BOLL: variants seen among roughly 807,000 people sequenced by gnomAD.
The protein encoded by BOLL is protein boule-like.
A neutral mutation model predicts 44.4 loss-of-function variants in BOLL; 23 were observed. That is an observed-to-expected ratio of 0.52 (90% confidence interval 0.37 to 0.73). BOLL has a LOEUF of 0.73. Among genes scored for constraint, BOLL ranks in the 30% least tolerant of loss-of-function variants. The pLI is 0.00. For synonymous variants in BOLL, 97 were observed against 110.8 expected, an observed-to-expected ratio of 0.88 and a Z score of 0.78; for missense variants, 287 against 338.3, an observed-to-expected ratio of 0.85 and a Z score of 1.19.
intron 6 of BOLL, 99 bp from the exon 7 acceptor site, chr2:197,766,702 G>T: frequency 1.2e-6 from 1 of 809,442 alleles, no homozygotes; most frequent in Non-Finnish European, 2.0e-6. Context: ...TAAACTTCTG[G>T]TTTATGATTA....
rs541680782 is a variant in BOLL at position 197,728,807 on chromosome 2, T to C, written c.829-229A>G. ...AGAATCTATATTAGACAATCTCTAG[T>C]CTAGTGTTACAGTATAAATGTTGAG... On this transcript the variant is annotated intron_variant, in intron 10 of 10. Coordinates refer to ENST00000392296, the MANE Select transcript of BOLL (RefSeq NM_033030.6). 3.9e-5 allele frequency among the ~76,000 whole-genome samples: 6 copies of C among 152,314 alleles called. No homozygotes were observed. In the South Asian group the frequency reaches 1.2e-3, roughly 32 times the overall value.
chr2:197,729,143 C>T lies in BOLL; in HGVS notation c.829-565G>A, dbSNP rs1284958487. ...GCACCGTGCGCAAGCTGAAGCAGGG[C>T]GAGGCATTGCCTCACTTGGGAAGCG... On this transcript the variant is annotated intron_variant, in intron 10 of 10. Transcript: ENST00000392296. Among the ~76,000 whole-genome samples the T allele has an allele frequency of 3.3e-5, 5 of 152,266 alleles. No individual in the cohort carries two copies. In the South Asian group the frequency reaches 8.3e-4, roughly 25 times the overall value.
Position 197,740,914 on chromosome 2 carries a change from T to G in BOLL, c.828+2147A>C, listed in dbSNP as rs373724823. Among the ~76,000 whole-genome samples the G allele has an allele frequency of 1.9e-4, 29 of 152,298 alleles. 1 individual carries two copies. The highest frequency in any genetic ancestry group is 6.5e-4 in the African/African-American group (27 of 41,570). On this transcript the variant is annotated intron_variant, in intron 10 of 10. Transcript: ENST00000392296. The stretch of plus-strand genomic sequence containing the variant: ...TTTTTAAGTTTGAAGTCAGGTAGCG[T>G]GATACCTCCGGCTTTGTTCTTTTGG...
intron 10 of BOLL, among the ~76,000 whole-genome samples, chr2:197,736,712 T>G (rs1312256928): frequency 2.0e-5 from 3 of 152,136 alleles, no homozygotes; most frequent in African/African-American, 7.2e-5. Flanking sequence ...TGCTTCTCAT[T>G]AATTTTGCTT....
chr2:197,758,775 A>G (rs1290294051), intron 7 of BOLL, among the ~76,000 whole-genome samples: 1 of 152,170 alleles, frequency 6.6e-6, no homozygotes, highest in East Asian at 1.9e-4. Context: ...AATAAACCAC[A>G]ATATATTATT....
intron 7 of BOLL, among the ~76,000 whole-genome samples, chr2:197,760,727 A>G (rs1688718222): frequency 6.6e-6 from 1 of 151,936 alleles, no homozygotes; most frequent in Non-Finnish European, 1.5e-5. Context: ...AACAGAGACT[A>G]CCCTAGCAGA....
intron 1 of BOLL, chr2:197,784,797 T>C: frequency 1.0e-6 from 1 of 987,536 alleles, no homozygotes; most frequent in Non-Finnish European, 1.2e-6. Flanking sequence ...TTATAAACAA[T>C]TAGCGATGCA....
chr2:197,761,002 T>C (rs1027953096), intron 7 of BOLL, among the ~76,000 whole-genome samples: 4 of 152,136 alleles, frequency 2.6e-5, no homozygotes, highest in African/African-American at 7.2e-5. Context: ...AGTAAAGCTA[T>C]CCTTCAGAAA....
chr2:197,768,514 A>T (rs1297009585), intron 6 of BOLL, among the ~76,000 whole-genome samples: 5 of 151,812 alleles, frequency 3.3e-5, no homozygotes, highest in Non-Finnish European at 7.4e-5. Context: ...CAAATACACC[A>T]ATGGAACAAA....
At chr2:197,767,741 A>G (rs1315331591) in intron 6 of BOLL, among the ~76,000 whole-genome samples, 1 of 151,998 alleles carries the variant, frequency 6.6e-6, no homozygotes, top group Non-Finnish European at 1.5e-5. Flanking sequence ...CAGCAAAGAA[A>G]TAATCTGGCT....
At chr2:197,772,343 T>G (rs1282912878) in intron 5 of BOLL, among the ~76,000 whole-genome samples, 1 of 152,024 alleles carries the variant, frequency 6.6e-6, no homozygotes, top group Admixed American at 6.6e-5. Context: ...TATGTATAAT[T>G]TAAAGTTACT....
chr2:197,753,826 C>G (rs1688377863), intron 9 of BOLL, among the ~76,000 whole-genome samples: 2 of 152,146 alleles, frequency 1.3e-5, no homozygotes, highest in African/African-American at 2.4e-5. Context: ...TCTATAAAGA[C>G]ACATGCACAT....
intron 9 of BOLL, among the ~76,000 whole-genome samples, chr2:197,755,399 T>C (rs1178103377): frequency 6.6e-6 from 1 of 152,236 alleles, no homozygotes; most frequent in Admixed American, 6.5e-5. Context: ...ACTGGGTATA[T>C]ACCCAAAGAA....
At chr2:197,777,387 C>G (rs1190965254) in intron 3 of BOLL, among the ~76,000 whole-genome samples, 2 of 151,794 alleles carry the variant, frequency 1.3e-5, no homozygotes, top group Non-Finnish European at 2.9e-5. Flanking sequence ...GAGATTCATG[C>G]TGTTGCTTAA....
At chr2:197,783,734 A>T (rs889099079) in intron 1 of BOLL, among the ~76,000 whole-genome samples, 3 of 152,228 alleles carry the variant, frequency 2.0e-5, no homozygotes, top group Non-Finnish European at 4.4e-5. Context: ...GTAGGATATA[A>T]TGCTCAGAAT....
At chr2:197,728,845 GGGAT>G (rs1161656600) in intron 10 of BOLL, among the ~76,000 whole-genome samples, 2 of 152,216 alleles carry the variant, frequency 1.3e-5, no homozygotes, top group Non-Finnish European at 2.9e-5. Context: ...AATAAAATGA[GGGAT>G]GGGTCAGCAC....
intron 7 of BOLL, among the ~76,000 whole-genome samples, chr2:197,757,842 G>A (rs907840941): frequency 2.2e-4 from 33 of 152,190 alleles, no homozygotes; most frequent in African/African-American, 7.5e-4. Context: ...TTAAAAATTG[G>A]TAAATGATAT....
upstream of BOLL, chr2:197,785,403 T>C: frequency 2.0e-6 from 2 of 984,746 alleles, no homozygotes; most frequent in Non-Finnish European, 2.4e-6. The surrounding 1 kb of genome is among the most constrained non-coding windows in gnomAD (Gnocchi z 6.7). Flanking sequence ...CCGCTGCGCC[T>C]CGGGCCTGTG....
intron 9 of BOLL, among the ~76,000 whole-genome samples, chr2:197,747,880 T>A (rs1432418390): frequency 6.6e-6 from 1 of 152,070 alleles, no homozygotes; most frequent in Non-Finnish European, 1.5e-5. Context: ...ACCATCTGAT[T>A]TTCAACAAAC....
Sources: gnomAD v4.1 joint callset for allele counts (sites outside exome capture counted in the v4.1 genomes callset) on GRCh38, gnomAD v4.1.1 for gene constraint, Gnocchi (gnomAD v3.1) non-coding constraint, MANE v1.5 for transcripts, NCBI Gene and HGNC (gene_info 2026-07-23, HGNC 2026-07-21) for gene names.